GPC3: variants seen among roughly 807,000 people sequenced by gnomAD.
GPC3 encodes glypican 3.
Under a neutral mutation model 34.4 loss-of-function variants are expected in GPC3, and 3 were observed. That is an observed-to-expected ratio of 0.09 (90% CI 0.04 to 0.23). The LOEUF is 0.23. Ranked by LOEUF, GPC3 falls within the 10% of genes least tolerant of loss-of-function variation. GPC3 has a pLI of 1.00. For missense variants in GPC3, 351 were observed against 445.6 expected (o/e 0.79, Z 1.91); for synonymous variants, 177 against 174.0 (o/e 1.02, Z -0.13).
intron 2 of GPC3, among the ~76,000 whole-genome samples, chrX:133,883,479 T>C (rs1283731558): frequency 8.9e-6 from 1 of 112,070 alleles, no homozygotes; most frequent in Non-Finnish European, 1.9e-5. Context: ...TTATTTGCAA[T>C]ATATACTGAA....
At chrX:133,817,051 A>C (rs183859225) in intron 2 of GPC3, among the ~76,000 whole-genome samples, 1 of 111,890 alleles carries the variant, frequency 8.9e-6, no homozygotes, top group African/African-American at 3.2e-5. Flanking sequence ...AACTTCATTT[A>C]ACATCTATTT....
At chrX:133,709,438 T>A (rs1256150125) in intron 3 of GPC3, among the ~76,000 whole-genome samples, 1 of 111,791 alleles carries the variant, frequency 8.9e-6, no homozygotes, top group Non-Finnish European at 1.9e-5. Context: ...TGAATTTCAG[T>A]TCATTCTCTT....
At position 133,938,938 on chromosome X, in the gene GPC3, T is replaced by C. The variant is rs191538001; in HGVS notation, c.337+14112A>G. ...CATCTGGCACCAAGTAAATGTACAATAGAAGAAAATACTCAAGTTGGCACA... is the reference window on the plus strand; with the variant it reads ...CATCTGGCACCAAGTAAATGTACAACAGAAGAAAATACTCAAGTTGGCACA... On this transcript the variant is annotated intron_variant, in intron 2 of 7. Coordinates refer to ENST00000370818, the MANE Select transcript of GPC3 (RefSeq NM_004484.4). Among the ~76,000 whole-genome samples the C allele has an allele frequency of 3.3e-3, 367 of 112,130 alleles. 2 individuals are homozygous for C. Among genetic ancestry groups the C allele is most frequent in the South Asian group, 5.2e-3 (14 of 2,686 alleles).
At chrX:133,954,671 T>C (rs2076408359) in intron 1 of GPC3, among the ~76,000 whole-genome samples, 1 of 109,156 alleles carries the variant, frequency 9.2e-6, no homozygotes, top group Non-Finnish European at 1.9e-5. Context: ...TAACAAATAT[T>C]AGGGCTCAGT....
intron 1 of GPC3, among the ~76,000 whole-genome samples, chrX:133,954,701 C>T (rs1228436370): frequency 1.9e-5 from 2 of 104,647 alleles, no homozygotes; most frequent in African/African-American, 3.5e-5. Flanking sequence ...GACCAATCTC[C>T]TTCCTCTCTT....
At chrX:133,570,727 A>C (rs2069621412) in intron 7 of GPC3, among the ~76,000 whole-genome samples, 1 of 111,901 alleles carries the variant, frequency 8.9e-6, no homozygotes, top group African/African-American at 3.2e-5. Flanking sequence ...TACACAGTCT[A>C]GGTCCAAGAG....
At chrX:133,676,440 C>T (rs982965939) in intron 5 of GPC3, among the ~76,000 whole-genome samples, 1 of 112,113 alleles carries the variant, frequency 8.9e-6, no homozygotes, top group Non-Finnish European at 1.9e-5. Flanking sequence ...GCTCTGCACT[C>T]GACAGGCCCA....
At chrX:133,823,480 A>G (rs937750009) in intron 2 of GPC3, among the ~76,000 whole-genome samples, 2 of 111,929 alleles carry the variant, frequency 1.8e-5, no homozygotes, top group Non-Finnish European at 3.8e-5. Flanking sequence ...AAGAAAGAGC[A>G]ACAGAAAAGA....
At chrX:133,592,034 T>C (rs1313684561) in intron 7 of GPC3, among the ~76,000 whole-genome samples, 1 of 110,867 alleles carries the variant, frequency 9.0e-6, no homozygotes, top group African/African-American at 3.3e-5. Context: ...GTTCAAGGAG[T>C]GGCCTCTGAA....
At chrX:133,871,468 T>C (rs2075993674) in intron 2 of GPC3, among the ~76,000 whole-genome samples, 1 of 112,036 alleles carries the variant, frequency 8.9e-6, no homozygotes, top group African/African-American at 3.2e-5. Context: ...TCATGCTCAG[T>C]GCTTTACATA....
intron 7 of GPC3, among the ~76,000 whole-genome samples, chrX:133,547,214 T>C (rs2124271300): frequency 8.9e-6 from 1 of 111,800 alleles, no homozygotes; most frequent in Admixed American, 9.5e-5. Flanking sequence ...ATGTATTTAT[T>C]ACCACTGAAC....
At chrX:133,571,818 C>G (rs937487228) in intron 7 of GPC3, among the ~76,000 whole-genome samples, 2 of 111,651 alleles carry the variant, frequency 1.8e-5, no homozygotes, top group Non-Finnish European at 3.8e-5. Context: ...TTCTAAAGGA[C>G]AGTGGAATTG....
At chrX:133,684,305 A>G (rs7066975) in intron 5 of GPC3, among the ~76,000 whole-genome samples, 6,659 of 111,683 alleles carry the variant, frequency 0.06, 527 homozygotes, top group African/African-American at 0.2. Context: ...ATCAAATACC[A>G]AAGCCCTATT....
chrX:133,952,064 ATAAT>A (rs2076395222), intron 2 of GPC3, among the ~76,000 whole-genome samples: 1 of 110,859 alleles, frequency 9.0e-6, no homozygotes. Context: ...AGAAAGACTG[ATAAT>A]TAATTAATTA....
intron 3 of GPC3, among the ~76,000 whole-genome samples, chrX:133,746,224 G>A (rs2071610107): frequency 8.9e-6 from 1 of 111,817 alleles, no homozygotes; most frequent in Non-Finnish European, 1.9e-5. Context: ...TTGCAATCAG[G>A]GTAAAAATCT....
At chrX:133,861,895 C>A (rs1473381660) in intron 2 of GPC3, among the ~76,000 whole-genome samples, 1 of 111,703 alleles carries the variant, frequency 9.0e-6, no homozygotes, top group East Asian at 2.8e-4. Flanking sequence ...AAATACGAGC[C>A]AAACAAACCT....
At chrX:133,924,406 C>A (rs1392332488) in intron 2 of GPC3, among the ~76,000 whole-genome samples, 1 of 111,260 alleles carries the variant, frequency 9.0e-6, no homozygotes, top group Non-Finnish European at 1.9e-5. Flanking sequence ...GCGAGTGCAG[C>A]CCCTGCTCCC....
At chrX:133,810,669 G>T (rs1402055027) in intron 2 of GPC3, among the ~76,000 whole-genome samples, 1 of 109,895 alleles carries the variant, frequency 9.1e-6, no homozygotes, top group African/African-American at 3.3e-5. Flanking sequence ...ACTTTGGGAG[G>T]CCGAGGCGGG....
chrX:133,566,391 G>A (rs1246879611), intron 7 of GPC3, among the ~76,000 whole-genome samples: 1 of 112,075 alleles, frequency 8.9e-6, no homozygotes, highest in East Asian at 2.8e-4. Context: ...GAGAGGACAT[G>A]TAAGGCTTGA....
Sources: gnomAD v4.1 joint callset for allele counts (sites outside exome capture counted in the v4.1 genomes callset) on GRCh38, gnomAD v4.1.1 for gene constraint, MANE v1.5 for transcripts, NCBI Gene and HGNC (gene_info 2026-07-23, HGNC 2026-07-21) for gene names.